The following FAT3 variants were observed in gnomAD, a reference collection of about 807,000 sequenced individuals.
FAT3 encodes the protein FAT atypical cadherin 3.
In FAT3, 95 loss-of-function variants were observed where a neutral mutation model predicts 310.2. The ratio of observed to expected loss-of-function variants is 0.31; its 90% CI spans 0.26 to 0.36. FAT3 has a LOEUF of 0.36. Among genes scored for constraint, FAT3 ranks in the 10% least tolerant of loss-of-function variants. FAT3 has a pLI of 1.00. For missense variants in FAT3, 5,408 were observed against 5,715.6 expected (o/e 0.95, Z 1.74); for synonymous variants, 2,314 against 2,192.9 (o/e 1.06, Z -1.54).
rs186205982 is a variant in FAT3 at position 92,836,427 on chromosome 11, G to A, written c.10087-139G>A. 580 of 840,984 alleles carry A rather than the reference G, an allele frequency of 6.9e-4. 1 individual carries two copies. Among genetic ancestry groups the A allele is most frequent in the African/African-American group, 6.7e-3 (383 of 57,214 alleles). The allele number at this position is 840,984 out of a possible 1,614,324, so 52.1% of individuals were successfully genotyped here. A position where few individuals can be genotyped will look rare whatever the true frequency, so the allele number is the denominator to read the frequency against. ...ATTAATCATCTCTTCTGCTGGGGGCGTGGTCACTAACATTAGAGAGCAGAG... is the reference window on the plus strand; with the variant it reads ...ATTAATCATCTCTTCTGCTGGGGGCATGGTCACTAACATTAGAGAGCAGAG... On this transcript the variant is annotated intron_variant, in intron 15 of 27. Transcript: ENST00000525166.
chr11:92,475,233 G>A (rs1952015009), intron 2 of FAT3, among the ~76,000 whole-genome samples: 1 of 152,112 alleles, frequency 6.6e-6, no homozygotes, highest in Non-Finnish European at 1.5e-5. Context: ...GGGATTCTCT[G>A]CATCTTTTTA....
intron 1 of FAT3, among the ~76,000 whole-genome samples, chr11:92,303,897 A>T (rs1183457492): frequency 6.6e-6 from 1 of 152,128 alleles, no homozygotes; most frequent in African/African-American, 2.4e-5. Context: ...AGGGTTTTAG[A>T]TTCTGATAGT....
Position 92,357,931 on chromosome 11 carries a change from G to A in FAT3, c.3292+2527G>A, listed in dbSNP as rs571513283. Among the ~76,000 whole-genome samples the A allele has an allele frequency of 6.6e-5, 10 of 151,820 alleles. No homozygotes were observed. The East Asian group carries it at 1.2e-3, about 18-fold the overall frequency. ...TGCCTGTAATTCTAGCACTTTGGGA[G>A]GCCAAGGCAAGTGTATCTCTTGAGC... On this transcript the variant is annotated intron_variant, in intron 2 of 27. Transcript: ENST00000525166.
At chr11:92,468,836 C>T (rs1376860277) in intron 2 of FAT3, among the ~76,000 whole-genome samples, 2 of 152,110 alleles carry the variant, frequency 1.3e-5, no homozygotes, top group Non-Finnish European at 2.9e-5. Flanking sequence ...ATGATGGGAA[C>T]TACAGTTGAA....
chr11:92,273,677 G>A (rs976514677), intron 1 of FAT3, among the ~76,000 whole-genome samples: 1 of 152,040 alleles, frequency 6.6e-6, no homozygotes, highest in Non-Finnish European at 1.5e-5. Flanking sequence ...AATGGAAAGG[G>A]CTACAGGACT....
Position 92,765,489 on chromosome 11 carries a change from C to T in FAT3, c.4195+400C>T, listed in dbSNP as rs540494324. Among the ~76,000 whole-genome samples the T allele has an allele frequency of 8.6e-5, 13 of 151,788 alleles. 1 individual carries two copies. Among genetic ancestry groups the T allele is most frequent in the Admixed American group, 2.6e-4 (4 of 15,258 alleles). On this transcript the variant is annotated intron_variant, in intron 6 of 27. Coordinates refer to ENST00000525166, the MANE Select transcript of FAT3 (RefSeq NM_001367949.2). ...TTCTGTTCTTTTTTTTTTCTGCTCC[C>T]GACTGCCCTGCTTCAAGGTGGCAAG... is the stretch of plus-strand genomic sequence containing the variant.
intron 3 of FAT3, among the ~76,000 whole-genome samples, chr11:92,577,506 A>G (rs900430598): frequency 6.6e-6 from 1 of 152,264 alleles, no homozygotes; most frequent in African/African-American, 2.4e-5. Context: ...ACATTGTGGA[A>G]TGATCAAATC....
intron 2 of FAT3, among the ~76,000 whole-genome samples, chr11:92,486,573 A>AT (rs1263383618): frequency 6.6e-6 from 1 of 152,068 alleles, no homozygotes; most frequent in East Asian, 1.9e-4. Flanking sequence ...AAAATCCCAG[A>AT]TTTTTTATGC....
intron 3 of FAT3, among the ~76,000 whole-genome samples, chr11:92,619,705 T>C (rs141659916): frequency 1.3e-5 from 2 of 152,192 alleles, no homozygotes; most frequent in East Asian, 3.9e-4. Flanking sequence ...AAGTTAATAG[T>C]CGTTTCTCAT....
chr11:92,774,641 C>G (rs955996584), intron 7 of FAT3, among the ~76,000 whole-genome samples: 2 of 152,066 alleles, frequency 1.3e-5, no homozygotes, highest in African/African-American at 4.8e-5. Context: ...GTCACACAGC[C>G]TTAGTAAAGA....
intron 4 of FAT3, among the ~76,000 whole-genome samples, chr11:92,699,688 G>C (rs564467671): frequency 3.9e-5 from 6 of 152,148 alleles, no homozygotes; most frequent in South Asian, 2.1e-4. Context: ...TTTCACATTA[G>C]GGATATTCAA....
chr11:92,332,207 C>G (rs933329272), intron 1 of FAT3, among the ~76,000 whole-genome samples: 6 of 152,168 alleles, frequency 3.9e-5, no homozygotes, highest in African/African-American at 1.4e-4. Context: ...GTCACTGATT[C>G]TTTCTCAGAC....
At chr11:92,388,263 T>G (rs1233600380) in intron 2 of FAT3, among the ~76,000 whole-genome samples, 1 of 152,152 alleles carries the variant, frequency 6.6e-6, no homozygotes, top group African/African-American at 2.4e-5. Context: ...ATCTATCTGG[T>G]GCTGCTCTTC....
At chr11:92,596,195 A>G (rs1052147835) in intron 3 of FAT3, among the ~76,000 whole-genome samples, 4 of 152,146 alleles carry the variant, frequency 2.6e-5, no homozygotes, top group Non-Finnish European at 4.4e-5. Context: ...TAGGCACCCC[A>G]TTTTTGAGGG....
chr11:92,480,574 T>G (rs989685716), intron 2 of FAT3, among the ~76,000 whole-genome samples: 1 of 152,206 alleles, frequency 6.6e-6, no homozygotes, highest in Non-Finnish European at 1.5e-5. Flanking sequence ...GAAACAAATC[T>G]TCTAGTTCTC....
At chr11:92,443,796 G>T (rs1951138825) in intron 2 of FAT3, among the ~76,000 whole-genome samples, 1 of 152,102 alleles carries the variant, frequency 6.6e-6, no homozygotes, top group Non-Finnish European at 1.5e-5. Context: ...TACGAAGGAG[G>T]AGGTAGGAGG....
At chr11:92,597,156 T>G (rs1259944142) in intron 3 of FAT3, among the ~76,000 whole-genome samples, 1 of 152,210 alleles carries the variant, frequency 6.6e-6, no homozygotes, top group Non-Finnish European at 1.5e-5. Flanking sequence ...GAAACAACTC[T>G]AGGGGAATTT....
chr11:92,367,589 C>G (rs997792298), intron 2 of FAT3, among the ~76,000 whole-genome samples: 3 of 152,072 alleles, frequency 2.0e-5, no homozygotes, highest in African/African-American at 7.2e-5. Context: ...TATGATCATG[C>G]CACTACAATC....
At chr11:92,431,010 C>T (rs1267075323) in intron 2 of FAT3, among the ~76,000 whole-genome samples, 2 of 152,110 alleles carry the variant, frequency 1.3e-5, no homozygotes, top group African/African-American at 2.4e-5. Context: ...ATTTATAATC[C>T]TTTGGGTATA....
Sources: allele counts gnomAD v4.1 joint callset (sites outside exome capture counted in the v4.1 genomes callset), GRCh38; gene constraint gnomAD v4.1.1; transcripts MANE v1.5; gene names NCBI Gene and HGNC (gene_info 2026-07-23, HGNC 2026-07-21).